DCT: variants seen among roughly 807,000 people sequenced by gnomAD.
DCT encodes the protein L-dopachrome tautomerase.
Under a neutral mutation model 53.0 loss-of-function variants are expected in DCT, and 47 were observed. The ratio of observed to expected loss-of-function variants is 0.89; its 90% CI spans 0.70 to 1.13. The LOEUF (loss-of-function observed/expected upper bound fraction) is 1.13, where lower values mean the gene tolerates loss of function less well. Among genes scored for constraint, DCT ranks in the 50% most tolerant of loss-of-function variants. The pLI is 0.00. For synonymous variants in DCT, 244 were observed against 237.0 expected, an observed-to-expected ratio of 1.03 and a Z score of -0.27; for missense variants, 669 against 637.4, an observed-to-expected ratio of 1.05 and a Z score of -0.53.
the DCT span, among the ~76,000 whole-genome samples, chr13:94,520,021 G>A: frequency 6.6e-6 from 1 of 152,126 alleles, no homozygotes; most frequent in Non-Finnish European, 1.5e-5. Context: ...GTCAAACAGA[G>A]CCTCAAAACA....
At chr13:94,463,109 T>C (rs987767225) in intron 4 of DCT, among the ~76,000 whole-genome samples, 10 of 152,026 alleles carry the variant, frequency 6.6e-5, no homozygotes, top group Non-Finnish European at 1.2e-4. Flanking sequence ...AACATCAGAA[T>C]AGTATTTCTT....
At chr13:94,501,356 A>C in the DCT span, among the ~76,000 whole-genome samples, 1 of 152,206 alleles carries the variant, frequency 6.6e-6, no homozygotes, top group Non-Finnish European at 1.5e-5. Context: ...ATTGTTTATA[A>C]AAAGTGGATG....
At chr13:94,520,143 C>T in the DCT span, among the ~76,000 whole-genome samples, 5 of 152,146 alleles carry the variant, frequency 3.3e-5, no homozygotes, top group Admixed American at 1.3e-4. Context: ...AATGAGTACT[C>T]AGTATGCAAA....
the DCT span, among the ~76,000 whole-genome samples, chr13:94,517,564 C>G: frequency 6.6e-6 from 1 of 152,206 alleles, no homozygotes; most frequent in Non-Finnish European, 1.5e-5. Flanking sequence ...CCAAAGACAG[C>G]AAGTCCTAAG....
the DCT span, among the ~76,000 whole-genome samples, chr13:94,504,946 T>A: frequency 6.6e-6 from 1 of 152,028 alleles, no homozygotes; most frequent in Non-Finnish European, 1.5e-5. Flanking sequence ...CACATGTTCA[T>A]CTTCCTCTAG....
At chr13:94,461,916 C>T in intron 5 of DCT, 94 bp downstream of exon 5, 1 of 1,088,338 alleles carries the variant, frequency 9.2e-7, no homozygotes, top group East Asian at 2.5e-5. Flanking sequence ...TCGTAGACAA[C>T]CCCCAAAACC....
At chr13:94,461,930 G>A (rs1594299610) in intron 5 of DCT, 80 bp downstream of exon 5, 1 of 1,301,450 alleles carries the variant, frequency 7.7e-7, no homozygotes, top group Non-Finnish European at 1.1e-6. Context: ...CAAAACCTGG[G>A]TTTCCTTCCA....
chr13:94,440,115 T>A, intron 7 of DCT, 39 bp from the exon 8 acceptor site: 1 of 1,551,642 alleles, frequency 6.4e-7, no homozygotes, highest in Non-Finnish European at 8.8e-7. Context: ...AGGATTTTCA[T>A]CAGCTGAATA....
rs1349252864 is a variant in DCT at position 94,479,272 on chromosome 13, G to C, written c.-17C>G. ...GGGGCTCATGGCTTTATAATTGGGA[G>C]AGCTCTCTCTCTCTCTTACTTTCCT... On this transcript the variant is annotated 5_prime_UTR_variant, in exon 1 of 8. Transcript: ENST00000377028. The C allele has an allele frequency of 6.5e-7, 1 of 1,548,716 alleles. No homozygotes were observed. Among genetic ancestry groups the C allele is most frequent in the Non-Finnish European group, 8.8e-7 (1 of 1,142,624 alleles).
At chr13:94,495,331 AAGT>A in the DCT span, among the ~76,000 whole-genome samples, 2 of 152,178 alleles carry the variant, frequency 1.3e-5, no homozygotes, top group Non-Finnish European at 2.9e-5. Context: ...TCCTGAGCTC[AAGT>A]AATCCACTCA....
chr13:94,501,083 G>A, the DCT span, among the ~76,000 whole-genome samples: 2 of 152,034 alleles, frequency 1.3e-5, no homozygotes, highest in Non-Finnish European at 2.9e-5. Context: ...TGGCTAACAT[G>A]GTGAAACCCC....
rs887539310 is a variant in DCT at position 94,479,365 on chromosome 13, T to G, written c.-110A>C. 1.9e-6 allele frequency: 2 copies of G among 1,047,190 alleles called. No individual in the cohort carries two copies. The highest frequency in any genetic ancestry group is 2.7e-6 in the Non-Finnish European group (2 of 739,700). 64.9% of individuals were successfully genotyped at this position (1,047,190 alleles called of 1,614,324 possible). On this transcript the variant is annotated 5_prime_UTR_variant, in exon 1 of 8. Coordinates refer to ENST00000377028, the MANE Select transcript of DCT (RefSeq NM_001922.5). ...CTTTTCTTTTCAGTATTTTTTATTT[T>G]TCTTTGCTTTCTATTCCTTTCTTCT...
intron 5 of DCT, 141 bp downstream of exon 5, chr13:94,461,869 T>G: frequency 1.5e-6 from 1 of 661,632 alleles, no homozygotes; most frequent in Non-Finnish European, 2.5e-6. Flanking sequence ...AATCCCTTGC[T>G]AACTTCTCTC....
chr13:94,536,271 T>C, the DCT span, among the ~76,000 whole-genome samples: 9 of 152,134 alleles, frequency 5.9e-5, no homozygotes, highest in Non-Finnish European at 1.2e-4. Context: ...ACATTGACAT[T>C]GGACAGAGTA....
At chr13:94,540,761 A>T in the DCT span, among the ~76,000 whole-genome samples, 1 of 152,240 alleles carries the variant, frequency 6.6e-6, no homozygotes, top group Non-Finnish European at 1.5e-5. Context: ...AACAAAAAAA[A>T]TAGAATATCA....
At chr13:94,523,931 T>A in the DCT span, among the ~76,000 whole-genome samples, 1 of 152,060 alleles carries the variant, frequency 6.6e-6, no homozygotes, top group Non-Finnish European at 1.5e-5. Context: ...TTGCTAACAA[T>A]AACCATTCAT....
At chr13:94,525,350 C>T in the DCT span, among the ~76,000 whole-genome samples, 9 of 152,114 alleles carry the variant, frequency 5.9e-5, no homozygotes, top group Non-Finnish European at 1.3e-4. Context: ...GATCCACCTG[C>T]CTCAGCCTCC....
intron 1 of DCT, among the ~76,000 whole-genome samples, chr13:94,472,496 A>G (rs1468032576): frequency 2.2e-5 from 3 of 133,528 alleles, no homozygotes; most frequent in Non-Finnish European, 3.1e-5. Context: ...TCTGGTATAC[A>G]GTGAGTTAAA....
Position 94,466,507 on chromosome 13 carries a change from C to A in DCT, c.696+51G>T, listed in dbSNP as rs759794936. The stretch of plus-strand genomic sequence containing the variant: ...TCACACTGTATGCCTTAAATATATA[C>A]AATAAATTTTTTAAAAAATTAAAAG... On this transcript the variant is annotated intron_variant, in intron 3 of 7. Coordinates refer to ENST00000377028, the MANE Select transcript of DCT (RefSeq NM_001922.5). 6 of 1,201,080 alleles carry A rather than the reference C, an allele frequency of 5.0e-6. No individual in the cohort carries two copies. The South Asian group carries it at 6.0e-5, about 12-fold the overall frequency. The allele number at this position is 1,201,080 out of a possible 1,614,324, so 74.4% of individuals were successfully genotyped here.
Sources: allele counts gnomAD v4.1 joint callset (sites outside exome capture counted in the v4.1 genomes callset), GRCh38; gene constraint gnomAD v4.1.1; transcripts MANE v1.5; gene names NCBI Gene and HGNC (gene_info 2026-07-23, HGNC 2026-07-21).